Variants in PHF21B observed in about 807,000 individuals in gnomAD.
The protein encoded by PHF21B is PHD finger protein 21B, also known as PHD finger protein 4.
A neutral mutation model predicts 62.2 loss-of-function variants in PHF21B; 22 were observed. That is an observed-to-expected ratio of 0.35 (90% CI 0.25 to 0.51). The LOEUF is 0.51. PHF21B is among the 20% of genes least tolerant of loss of function. The pLI is 0.97. For synonymous variants in PHF21B, 341 were observed against 314.7 expected (o/e 1.08, Z -0.88); for missense variants, 701 against 707.9 (o/e 0.99, Z 0.11).
rs540950096 is a variant in PHF21B at position 44,928,054 on chromosome 22, G to A, written c.121-7564C>T. 2.6e-5 allele frequency among the ~76,000 whole-genome samples: 4 copies of A among 152,272 alleles called. No individual in the cohort carries two copies. The East Asian group carries it at 5.8e-4, about 22-fold the overall frequency. On this transcript the variant is annotated intron_variant, in intron 2 of 12. Coordinates refer to ENST00000313237, the MANE Select transcript of PHF21B (RefSeq NM_138415.5). ...TTGGTGCAGACCCTACAACCTTCCA[G>A]GGCAAAAGCCACATGTGGCTCTGGA...
intron 2 of PHF21B, among the ~76,000 whole-genome samples, chr22:44,923,745 C>T (rs1176467267): frequency 2.0e-5 from 3 of 152,084 alleles, no homozygotes; most frequent in African/African-American, 4.8e-5. Flanking sequence ...GGGCCAGGCA[C>T]AGTGCCTCAT....
At chr22:44,933,626 G>A (rs1333144933) in intron 2 of PHF21B, 1 of 769,534 alleles carries the variant, frequency 1.3e-6, no homozygotes, top group Non-Finnish European at 1.6e-6. Flanking sequence ...AAGTGGGGTG[G>A]GGGAGCCGTC....
At position 44,897,953 on chromosome 22, in the gene PHF21B, T is replaced by G. The variant is rs558247816; in HGVS notation, c.832-1870A>C. 3.3e-5 allele frequency among the ~76,000 whole-genome samples: 5 copies of G among 152,142 alleles called. No homozygotes were observed. In the South Asian group the frequency reaches 8.3e-4, roughly 25 times the overall value. ...CCTCCCAAGTAACTGAGACTACAGG[T>G]GCACACCACCACACCCAGCTAATTT... On this transcript the variant is annotated intron_variant, in intron 5 of 12. Transcript: ENST00000313237.
rs537033374 is a variant in PHF21B at position 44,974,883 on chromosome 22, T to C, written c.120+33662A>G. Among the ~76,000 whole-genome samples the C allele has an allele frequency of 3.3e-5, 5 of 152,338 alleles. No individual in the cohort carries two copies. The East Asian group carries it at 9.6e-4, about 29-fold the overall frequency. On this transcript the variant is annotated intron_variant, in intron 2 of 12. Coordinates refer to ENST00000313237, the MANE Select transcript of PHF21B (RefSeq NM_138415.5). ...TCTGTTATTGAAAATTCTGATCATATTAATACCACTCAGTACCCAATCATT... is the reference window on the plus strand; with the variant it reads ...TCTGTTATTGAAAATTCTGATCATACTAATACCACTCAGTACCCAATCATT...
At chr22:44,928,540 G>A (rs140138839) in intron 2 of PHF21B, among the ~76,000 whole-genome samples, 1,534 of 152,186 alleles carry the variant, frequency 0.01, 15 homozygotes, top group Non-Finnish European at 0.017. Flanking sequence ...CTCCCGAGTA[G>A]CTGGGATTAC....
At chr22:45,008,747 C>T in intron 1 of PHF21B, 137 bp from the exon 2 acceptor site, 2 of 1,150,664 alleles carry the variant, frequency 1.7e-6, no homozygotes, top group Non-Finnish European at 2.1e-6. Flanking sequence ...TCCCGGGCCG[C>T]GTCCTGCACG....
chr22:44,913,107 T>G (rs1420809244), intron 5 of PHF21B, among the ~76,000 whole-genome samples: 3 of 152,116 alleles, frequency 2.0e-5, no homozygotes, highest in African/African-American at 7.2e-5. Flanking sequence ...GCATCCACTA[T>G]GTATTTGGAT....
intron 5 of PHF21B, among the ~76,000 whole-genome samples, chr22:44,899,715 A>G (rs897975856): frequency 1.3e-5 from 2 of 150,688 alleles, no homozygotes; most frequent in African/African-American, 2.4e-5. Flanking sequence ...AATATTGAAT[A>G]TTCTTATTAT....
At chr22:44,925,083 G>A (rs1050855390) in intron 2 of PHF21B, among the ~76,000 whole-genome samples, 4 of 152,168 alleles carry the variant, frequency 2.6e-5, no homozygotes, top group East Asian at 1.9e-4. Flanking sequence ...CTAGTTATAC[G>A]AAATTCTGAA....
chr22:44,979,586 C>A (rs957344565), intron 2 of PHF21B, among the ~76,000 whole-genome samples: 1 of 152,192 alleles, frequency 6.6e-6, no homozygotes, highest in South Asian at 2.1e-4. Flanking sequence ...TGCCCAGCGC[C>A]GTGGCAGCTG....
At chr22:44,953,162 TTC>T (rs1267466229) in intron 2 of PHF21B, among the ~76,000 whole-genome samples, 2 of 152,178 alleles carry the variant, frequency 1.3e-5, no homozygotes, top group Non-Finnish European at 2.9e-5. Context: ...CACAGGACTC[TTC>T]TCTCGGACAC....
At chr22:44,983,420 C>T (rs11090717) in intron 2 of PHF21B, among the ~76,000 whole-genome samples, 10,364 of 152,170 alleles carry the variant, frequency 0.068, 412 homozygotes, top group Middle Eastern at 0.14. Context: ...AACTCACTAC[C>T]TCAGGCAGAG....
At chr22:44,916,747 G>A (rs2071442905) in intron 3 of PHF21B, 117 bp from the exon 4 acceptor site, 2 of 940,276 alleles carry the variant, frequency 2.1e-6, no homozygotes, top group South Asian at 1.4e-5. Context: ...ACTGGAAAGA[G>A]CACAGCGCCT....
intron 2 of PHF21B, among the ~76,000 whole-genome samples, chr22:45,004,327 G>A (rs1169808498): frequency 1.3e-5 from 2 of 152,140 alleles, no homozygotes; most frequent in African/African-American, 4.8e-5. Flanking sequence ...ATGGTAGTGG[G>A]TGGGCGCAGG....
intron 2 of PHF21B, among the ~76,000 whole-genome samples, chr22:44,982,035 T>A (rs2072851548): frequency 6.6e-6 from 1 of 152,226 alleles, no homozygotes; most frequent in African/African-American, 2.4e-5. Context: ...GGTTTCCCCA[T>A]CACCCACCAG....
rs1169703229 is a variant in PHF21B at position 44,937,786 on chromosome 22, C to T, written c.121-17296G>A. On this transcript the variant is annotated intron_variant, in intron 2 of 12. Transcript: ENST00000313237. ...AGAATGACGAATACTCTCGATGACACGGAGGAGCCTCATAGCACTGCGTGG... is the reference window on the plus strand; with the variant it reads ...AGAATGACGAATACTCTCGATGACATGGAGGAGCCTCATAGCACTGCGTGG... 4.6e-5 allele frequency among the ~76,000 whole-genome samples: 7 copies of T among 152,344 alleles called. No individual in the cohort carries two copies. The South Asian group carries it at 1.0e-3, about 23-fold the overall frequency.
At chr22:44,907,913 C>T (rs991715576) in intron 5 of PHF21B, among the ~76,000 whole-genome samples, 1 of 152,168 alleles carries the variant, frequency 6.6e-6, no homozygotes, top group Non-Finnish European at 1.5e-5. Flanking sequence ...GGTCCACTGA[C>T]CTGCTGGAAT....
At chr22:44,977,242 T>A (rs943328724) in intron 2 of PHF21B, among the ~76,000 whole-genome samples, 1 of 151,922 alleles carries the variant, frequency 6.6e-6, no homozygotes, top group African/African-American at 2.4e-5. Context: ...ACTTTTTTTT[T>A]AATAGTTTAC....
intron 2 of PHF21B, among the ~76,000 whole-genome samples, chr22:44,958,154 T>G (rs543138851): frequency 6.6e-6 from 1 of 152,198 alleles, no homozygotes; most frequent in Non-Finnish European, 1.5e-5. Flanking sequence ...CTGCCCACCT[T>G]GGCCTCCCAA....
Sources: gnomAD v4.1 joint callset for allele counts (sites outside exome capture counted in the v4.1 genomes callset) on GRCh38, gnomAD v4.1.1 for gene constraint, MANE v1.5 for transcripts, NCBI Gene and HGNC (gene_info 2026-07-23, HGNC 2026-07-21) for gene names.